The following HEATR4 variants were observed in gnomAD, a reference collection of about 807,000 sequenced individuals.
HEATR4 encodes the protein HEAT repeat-containing protein 4.
In HEATR4, 95 loss-of-function variants were observed where a neutral mutation model predicts 108.8. The ratio of observed to expected loss-of-function variants is 0.87; its 90% CI spans 0.74 to 1.04. The LOEUF is 1.04. Ranked by LOEUF, HEATR4 falls within the 50% of genes least tolerant of loss-of-function variation. HEATR4 has a pLI of 0.00. For synonymous variants in HEATR4, 443 were observed against 459.4 expected, an observed-to-expected ratio of 0.96 and a Z score of 0.46; for missense variants, 1,152 against 1,253.8, an observed-to-expected ratio of 0.92 and a Z score of 1.23.
At chr14:73,589,980 G>A in the HEATR4 span, among the ~76,000 whole-genome samples, 11 of 152,308 alleles carry the variant, frequency 7.2e-5, no homozygotes, top group African/African-American at 2.2e-4. Context: ...CAGAAGTGAA[G>A]CTGCGGACCT....
At chr14:73,574,955 G>A in the HEATR4 span, 1 of 1,604,882 alleles carries the variant, frequency 6.2e-7, no homozygotes, top group Non-Finnish European at 8.5e-7. Context: ...AAGGGGGTGA[G>A]CTCTGCCTTT....
the HEATR4 span, among the ~76,000 whole-genome samples, chr14:73,587,187 C>G: frequency 6.6e-6 from 1 of 151,732 alleles, no homozygotes; most frequent in Admixed American, 6.6e-5. Context: ...GAACAGCTGC[C>G]AGTCATTCTT....
At chr14:73,625,961 T>C in the HEATR4 span, among the ~76,000 whole-genome samples, 1 of 152,302 alleles carries the variant, frequency 6.6e-6, no homozygotes, top group South Asian at 2.1e-4. Flanking sequence ...TGATGAAGCA[T>C]AGAGAAAGCC....
the HEATR4 span, chr14:73,580,979 C>CA: frequency 6.6e-6 from 1 of 152,016 alleles, no homozygotes; most frequent in Non-Finnish European, 1.5e-5. Context: ...GTTACACTCC[C>CA]ACCTTGGCCT....
chr14:73,572,147 C>T, the HEATR4 span, among the ~76,000 whole-genome samples: 1 of 78,970 alleles, frequency 1.3e-5, no homozygotes, highest in African/African-American at 6.6e-5. Flanking sequence ...TGTACATGTG[C>T]ACCAGGAGGC....
chr14:73,590,429 G>T, the HEATR4 span, among the ~76,000 whole-genome samples: 5 of 152,258 alleles, frequency 3.3e-5, no homozygotes, highest in Non-Finnish European at 7.3e-5. Flanking sequence ...AGTGGATGCC[G>T]CACGGGGTTC....
chr14:73,569,819 G>A, the HEATR4 span: 2 of 1,599,236 alleles, frequency 1.3e-6, no homozygotes, highest in Non-Finnish European at 1.7e-6. Context: ...ACTTCCTCCC[G>A]CCCGGGGTGC....
Position 73,492,515 on chromosome 14 carries a change from C to CAG in HEATR4, c.2844+549_2844+550dup. ...TGCTCCTGTTGATGCTGTGGCCGAC[C>CAG]AGCGAGCCAAAGACTTCATTCACGA... On this transcript the variant is annotated intron_variant, in intron 17 of 17. Transcript: ENST00000553558. The surrounding 1 kb of genome is among the most constrained non-coding windows in gnomAD (Gnocchi z 4.9). The CAG allele has an allele frequency of 6.2e-7, 1 of 1,613,592 alleles. No individual in the cohort carries two copies. Among genetic ancestry groups the CAG allele is most frequent in the African/African-American group, 1.3e-5 (1 of 75,016 alleles).
At chr14:73,630,088 G>A in the HEATR4 span, among the ~76,000 whole-genome samples, 1 of 151,984 alleles carries the variant, frequency 6.6e-6, no homozygotes, top group East Asian at 1.9e-4. Context: ...GGACAAAAAG[G>A]GTACGTGGTG....
chr14:73,492,602 C>T lies in HEATR4; in HGVS notation c.2844+464G>A, dbSNP rs1313320593. 6.2e-7 allele frequency: 1 copy of T among 1,613,722 alleles called. No homozygotes were observed. The highest frequency in any genetic ancestry group is 1.3e-5 in the African/African-American group (1 of 74,880). On this transcript the variant is annotated intron_variant, in intron 17 of 17. Coordinates refer to ENST00000553558, the MANE Select transcript of HEATR4 (RefSeq NM_001220484.1). This position sits in a 1 kb window ranked among gnomAD's most constrained non-coding sequence, Gnocchi z 4.9. ...ACTAAGTGTTTACGGGCTTCCAATT[C>T]GCTGGGAGGCTGGAGAACCTGTAAA...
chr14:73,504,799 G>T (rs1411210059), intron 10 of HEATR4, among the ~76,000 whole-genome samples: 3 of 152,224 alleles, frequency 2.0e-5, no homozygotes, highest in African/African-American at 7.2e-5. Flanking sequence ...AGGAAAAGAT[G>T]AAGTAGCACA....
chr14:73,594,789 C>G, the HEATR4 span, among the ~76,000 whole-genome samples: 4 of 152,182 alleles, frequency 2.6e-5, no homozygotes, highest in Non-Finnish European at 5.9e-5. Context: ...CAACCTCCGC[C>G]TCCTGGGCTC....
At position 73,512,160 on chromosome 14, in the gene HEATR4, G is replaced by A; in HGVS notation, c.1415-11C>T. The A allele has an allele frequency of 1.2e-6, 2 of 1,614,024 alleles. No homozygotes were observed. The highest frequency in any genetic ancestry group is 1.7e-5 in the Admixed American group (1 of 59,988). ...GGTGCCACTCTATGACTGAGCCGCAGTGAGGGAAATGAAAAGAGAACCACC... is the reference window on the plus strand; with the variant it reads ...GGTGCCACTCTATGACTGAGCCGCAATGAGGGAAATGAAAAGAGAACCACC... On this transcript the variant is annotated splice_polypyrimidine_tract_variant and intron_variant, in intron 6 of 17. Transcript: ENST00000553558.
At chr14:73,517,683 AAG>A (rs1382221427) in intron 5 of HEATR4, among the ~76,000 whole-genome samples, 44 of 93,596 alleles carry the variant, frequency 4.7e-4, no homozygotes, top group Non-Finnish European at 8.2e-4. Flanking sequence ...AAAAAAAAAG[AAG>A]AAGAAAAGAG....
At chr14:73,607,320 A>C in the HEATR4 span, among the ~76,000 whole-genome samples, 1 of 152,120 alleles carries the variant, frequency 6.6e-6, no homozygotes, top group Non-Finnish European at 1.5e-5. Context: ...AAAAAAATAA[A>C]AAAAGAAAGA....
chr14:73,603,468 C>T, the HEATR4 span, among the ~76,000 whole-genome samples: 2 of 152,020 alleles, frequency 1.3e-5, no homozygotes, highest in Non-Finnish European at 2.9e-5. Flanking sequence ...GATTCTCCAG[C>T]CTCAGCCTCC....
chr14:73,550,231 G>A (rs1207131626), intron 1 of HEATR4, among the ~76,000 whole-genome samples: 3 of 113,514 alleles, frequency 2.6e-5, no homozygotes, highest in Non-Finnish European at 5.8e-5. Context: ...GGCAGGATAG[G>A]TAGCTAAGGG....
At chr14:73,608,748 A>G in the HEATR4 span, among the ~76,000 whole-genome samples, 1 of 152,294 alleles carries the variant, frequency 6.6e-6, no homozygotes. Flanking sequence ...GTCTGTTCTC[A>G]CACTGCTAAT....
chr14:73,613,740 A>G, the HEATR4 span, among the ~76,000 whole-genome samples: 208 of 152,340 alleles, frequency 1.4e-3, 1 homozygote, highest in African/African-American at 4.6e-3. Context: ...GACAACCACC[A>G]GAACAAAGAA....
Sources: allele counts gnomAD v4.1 joint callset (sites outside exome capture counted in the v4.1 genomes callset), GRCh38; gene constraint gnomAD v4.1.1; non-coding constraint Gnocchi (gnomAD v3.1); transcripts MANE v1.5; gene names NCBI Gene and HGNC (gene_info 2026-07-23, HGNC 2026-07-21).